TXNDC17: variants seen among roughly 807,000 people sequenced by gnomAD.
TXNDC17 encodes the protein thioredoxin domain containing 17.
TXNDC17 carries 12 observed loss-of-function variants against 16.3 expected under a neutral mutation model. The observed-to-expected ratio is 0.74, with a 90% CI of 0.47 to 1.19. TXNDC17 has a LOEUF of 1.19. TXNDC17 is among the 50% of genes most tolerant of loss of function. TXNDC17 has a pLI of 0.00. For synonymous variants in TXNDC17, 62 were observed against 55.0 expected (o/e 1.13, Z -0.56); for missense variants, 158 against 149.7 (o/e 1.06, Z -0.29).
chr17:6,641,066 G>A lies in TXNDC17; in HGVS notation c.-17G>A. The A allele has an allele frequency of 2.5e-6, 4 of 1,610,088 alleles. No homozygotes were observed. The highest frequency in any genetic ancestry group is 2.5e-6 in the Non-Finnish European group (3 of 1,178,894). On this transcript the variant is annotated 5_prime_UTR_variant, in exon 1 of 4. Coordinates refer to ENST00000250101, the MANE Select transcript of TXNDC17 (RefSeq NM_032731.4). ...ACCGGACGTGCACTCCTCCAGTAGC[G>A]GCTGCACGTCGTGCCAATGGCCCGC...
Position 6,641,824 on chromosome 17 carries a change from G to A in TXNDC17, c.217G>A (p.Glu73Lys). ...TGTGTTCATCTACTGCCAAGTAGGA[G>A]AAAAGCCTTAGTAAGTGGCAATGTA... ...GCVFIYCQVG[E>K]KPYWKDPNND... Residue 73 changes from glutamate to lysine, a missense_variant, in exon 2 of 4, where the codon GAA becomes AAA. Transcript: ENST00000250101. 6.2e-7 allele frequency: 1 copy of A among 1,614,170 alleles called. No homozygotes were observed. Among genetic ancestry groups the A allele is most frequent in the Non-Finnish European group, 8.5e-7 (1 of 1,180,024 alleles).
Position 6,641,258 on chromosome 17 carries a change from A to G in TXNDC17, c.145+31A>G, listed in dbSNP as rs768622532. 20 of 1,611,402 alleles carry G rather than the reference A, an allele frequency of 1.2e-5. No homozygotes were observed. The South Asian group carries it at 1.3e-4, about 11-fold the overall frequency. ...GCCGGGATTCGGGGGCTGCTGTCCAATGGAAATGGCAGGAAGGTCGAGCCT... is the reference window on the plus strand; with the variant it reads ...GCCGGGATTCGGGGGCTGCTGTCCAGTGGAAATGGCAGGAAGGTCGAGCCT... On this transcript the variant is annotated intron_variant, in intron 1 of 3. Coordinates refer to ENST00000250101, the MANE Select transcript of TXNDC17 (RefSeq NM_032731.4).
At chr17:6,642,731 T>C in intron 3 of TXNDC17, 1 of 548,340 alleles carries the variant, frequency 1.8e-6, no homozygotes, top group Non-Finnish European at 3.2e-6. Flanking sequence ...CTGTGGAGCT[T>C]CCTGGTATTT....
In TXNDC17 at chr17:6,641,078, T is replaced by C; in HGVS notation, c.-5T>C. On this transcript the variant is annotated 5_prime_UTR_variant, in exon 1 of 4. Coordinates refer to ENST00000250101, the MANE Select transcript of TXNDC17 (RefSeq NM_032731.4). ...CTCCTCCAGTAGCGGCTGCACGTCG[T>C]GCCAATGGCCCGCTATGAGGAGGTG... 6.2e-7 allele frequency: 1 copy of C among 1,612,016 alleles called. No homozygotes were observed. The highest frequency in any genetic ancestry group is 8.5e-7 in the Non-Finnish European group (1 of 1,179,610).
intron 1 of TXNDC17, 161 bp from the exon 2 acceptor site, chr17:6,641,592 A>G: frequency 1.3e-6 from 1 of 741,250 alleles, no homozygotes; most frequent in East Asian, 2.7e-5. Context: ...ACGTGGCTCT[A>G]AGACCAGAAG....
rs1173302370 is a variant in TXNDC17, at chr17:6,643,995, TC to T, written c.*978del. 4.3e-5 allele frequency: 17 copies of T among 398,626 alleles called. No homozygotes were observed. Among genetic ancestry groups the T allele is most frequent in the Non-Finnish European group, 1.3e-5 (3 of 226,420 alleles). 24.7% of individuals were successfully genotyped at this position (398,626 alleles called of 1,614,324 possible). A position where few individuals can be genotyped will look rare whatever the true frequency, so the allele number is the denominator to read the frequency against. On this transcript the variant is annotated 3_prime_UTR_variant, in exon 4 of 4. Transcript: ENST00000250101. The stretch of plus-strand genomic sequence containing the variant: ...CAGAATTCAAGAACCTTTATGCAGT[TC>T]CTGTCCTATGATTTAAAGAGGTCAG...
chr17:6,642,794 A>AT (rs1297956449), intron 3 of TXNDC17, 157 bp from the exon 4 acceptor site: 12 of 618,644 alleles, frequency 1.9e-5, no homozygotes, highest in Non-Finnish European at 3.1e-5. Flanking sequence ...TACAGCAAAT[A>AT]TATTGATTCT....
intron 1 of TXNDC17, chr17:6,641,510 C>G: frequency 1.6e-6 from 1 of 631,722 alleles, no homozygotes; most frequent in East Asian, 2.8e-5. Flanking sequence ...TCAGCAAATA[C>G]ATGTGCTTTC....
Position 6,641,311 on chromosome 17 carries a change from C to T in TXNDC17, c.145+84C>T, listed in dbSNP as rs1207374196. ...GGCCAGAAGGGGGGCTTAGCGGAGG[C>T]AGAGTCTTGGTTCCAGACATCCGCG... is the stretch of plus-strand genomic sequence containing the variant. On this transcript the variant is annotated intron_variant, in intron 1 of 3. Transcript: ENST00000250101. The T allele has an allele frequency of 8.3e-6, 13 of 1,568,498 alleles. No individual in the cohort carries two copies. In the East Asian group the frequency reaches 2.2e-4, roughly 27 times the overall value.
rs371134251 is a variant in TXNDC17 at position 6,644,491 on chromosome 17, C to T, written c.*1472C>T. The stretch of plus-strand genomic sequence containing the variant: ...TTCATTTTCCCGATGTGTTATTTTG[C>T]TGTTGCTGCTCTGCCAAGGCTTGCT... On this transcript the variant is annotated 3_prime_UTR_variant, in exon 4 of 4. Coordinates refer to ENST00000250101, the MANE Select transcript of TXNDC17 (RefSeq NM_032731.4). The T allele has an allele frequency of 8.7e-6, 14 of 1,604,222 alleles. No individual in the cohort carries two copies. The African/African-American group carries it at 1.7e-4, about 20-fold the overall frequency.
rs561734163 is a variant in TXNDC17, at chr17:6,641,128, C to T, written c.46C>T (p.His16Tyr). The change falls in exon 1 of 4, where the codon CAC becomes TAC. Residue 16 changes from histidine to tyrosine, a missense_variant. Physicochemically the swap from His to Tyr is moderately conservative, Grantham distance 83. Coordinates refer to ENST00000250101, the MANE Select transcript of TXNDC17 (RefSeq NM_032731.4). The part of the protein sequence containing the change: ...EVSVSGFEEF[H>Y]RAVEQHNGKT... ...GAGCGTGTCCGGCTTCGAGGAGTTCCACCGGGCCGTGGAACAGCACAATGG... is the reference window on the plus strand; with the variant it reads ...GAGCGTGTCCGGCTTCGAGGAGTTCTACCGGGCCGTGGAACAGCACAATGG... The T allele has an allele frequency of 1.5e-5, 24 of 1,613,634 alleles. No homozygotes were observed. The South Asian group carries it at 2.6e-4, about 18-fold the overall frequency.
rs1972727495 is a variant in TXNDC17 at position 6,643,768 on chromosome 17, T to C, written c.*749T>C. On this transcript the variant is annotated 3_prime_UTR_variant, in exon 4 of 4. Coordinates refer to ENST00000250101, the MANE Select transcript of TXNDC17 (RefSeq NM_032731.4). The stretch of plus-strand genomic sequence containing the variant: ...GGAAGCACTTAACATAGCACCTGGT[T>C]TGTGGTACCTCCCAAATCAATGGTA... The C allele has an allele frequency of 4.6e-6, 1 of 216,712 alleles. No homozygotes were observed. The highest frequency in any genetic ancestry group is 2.3e-5 in the African/African-American group (1 of 44,046). 13.4% of individuals were successfully genotyped at this position (216,712 alleles called of 1,614,324 possible). A position where few individuals can be genotyped will look rare whatever the true frequency, so the allele number is the denominator to read the frequency against.
At chr17:6,642,031 T>C in intron 2 of TXNDC17, 197 bp downstream of exon 2, 1 of 674,660 alleles carries the variant, frequency 1.5e-6, no homozygotes, top group Non-Finnish European at 2.6e-6. Flanking sequence ...TGGTCTGGTG[T>C]AAGCCCAGAA....
Position 6,641,753 on chromosome 17 carries a change from C to T in TXNDC17, c.146C>T (p.Ala49Val). The T allele has an allele frequency of 6.2e-7, 1 of 1,613,978 alleles. No homozygotes were observed. Among genetic ancestry groups the T allele is most frequent in the Non-Finnish European group, 8.5e-7 (1 of 1,179,914 alleles). The change falls in exon 2 of 4, where the codon GCT (alanine) becomes GTT (valine). Residue 49 changes from alanine (A) to valine (V), a missense_variant and splice_region_variant. Ala to Val is a moderately conservative substitution (Grantham distance 64). Transcript: ENST00000250101. The part of the protein sequence containing the change: ...GKSWCPDCVQ[A>V]EPVVREGLKH... ...TATTTTATCTCAACTTTTTTTAAAG[C>T]TGAACCAGTCGTACGAGAGGGGCTG...
chr17:6,642,035 C>T, intron 2 of TXNDC17: 1 of 666,604 alleles, frequency 1.5e-6, no homozygotes, highest in Non-Finnish European at 2.6e-6. Flanking sequence ...CTGGTGTAAG[C>T]CCAGAACTTA....
chr17:6,641,665 A>G, intron 1 of TXNDC17, 88 bp from the exon 2 acceptor site: 1 of 1,308,110 alleles, frequency 7.6e-7, no homozygotes, highest in Non-Finnish European at 1.1e-6. Flanking sequence ...GTGCTTACCA[A>G]GACTGGGGGA....
chr17:6,641,224 C>T lies in TXNDC17; in HGVS notation c.142C>T (p.Gln48Ter), dbSNP rs1246894509. 6.2e-7 allele frequency: 1 copy of T among 1,613,144 alleles called. No individual in the cohort carries two copies. Among genetic ancestry groups the T allele is most frequent in the African/African-American group, 1.3e-5 (1 of 74,918 alleles). ...GAAAAGCTGGTGCCCCGACTGCGTG[C>T]AGGGTGAGGCCGGGATTCGGGGGCT... is the stretch of plus-strand genomic sequence containing the variant. ...GGKSWCPDCV[Q>*]AEPVVREGLK... Residue 48 changes from glutamine to a stop codon, truncating the protein, a stop_gained, in exon 1 of 4, where the codon CAG (glutamine) becomes TAG (stop). Transcript: ENST00000250101. LOFTEE classifies it high-confidence loss of function.
At position 6,643,274 on chromosome 17, in the gene TXNDC17, C is replaced by T. The variant is rs1972719143; in HGVS notation, c.*255C>T. On this transcript the variant is annotated 3_prime_UTR_variant, in exon 4 of 4. Transcript: ENST00000250101. ...GTATTCTTGAAGGTGACGGAAATACCTAAAAACTCCTAAAGGTGCAGAGCA... is the reference window on the plus strand; with the variant it reads ...GTATTCTTGAAGGTGACGGAAATACTTAAAAACTCCTAAAGGTGCAGAGCA... 3 of 361,864 alleles carry T rather than the reference C, an allele frequency of 8.3e-6. No homozygotes were observed. Among genetic ancestry groups the T allele is most frequent in the Admixed American group, 4.4e-5 (1 of 22,846 alleles). The allele number at this position is 361,864 out of a possible 1,614,324, so 22.4% of individuals were successfully genotyped here. A position where few individuals can be genotyped will look rare whatever the true frequency, so the allele number is the denominator to read the frequency against.
chr17:6,644,386 A>G lies in TXNDC17; in HGVS notation c.*1367A>G. 1 of 1,441,162 alleles carries G rather than the reference A, an allele frequency of 6.9e-7. No homozygotes were observed. The highest frequency in any genetic ancestry group is 9.2e-7 in the Non-Finnish European group (1 of 1,088,790). 89.3% of individuals were successfully genotyped at this position (1,441,162 alleles called of 1,614,324 possible). ...TACCATAATAAAGGTAGATAGGAAG[A>G]GTTTTCATTTTTTTTGTCTTCACTG... On this transcript the variant is annotated 3_prime_UTR_variant, in exon 4 of 4. Transcript: ENST00000250101.
Sources: gnomAD v4.1 joint callset for allele counts on GRCh38, gnomAD v4.1.1 for gene constraint, MANE v1.5 for transcripts, NCBI Gene and HGNC (gene_info 2026-07-23, HGNC 2026-07-21) for gene names.